Variants in DNAH9 observed in about 807,000 individuals in gnomAD.
The protein encoded by DNAH9 is dynein axonemal heavy chain 9.
DNAH9 carries 345 observed loss-of-function variants against 471.6 expected under a neutral mutation model. The observed-to-expected ratio is 0.73, with a 90% CI of 0.67 to 0.80. The LOEUF is 0.80. Among genes scored for constraint, DNAH9 ranks in the 30% least tolerant of loss-of-function variants. The pLI is 0.00. For synonymous variants in DNAH9, 2,093 were observed against 2,123.6 expected (o/e 0.99, Z 0.40); for missense variants, 5,407 against 5,609.2 (o/e 0.96, Z 1.15).
chr17:11,611,007 G>T (rs981371599), intron 3 of DNAH9, among the ~76,000 whole-genome samples: 1 of 152,004 alleles, frequency 6.6e-6, no homozygotes, highest in Non-Finnish European at 1.5e-5. Context: ...GGGCTGGAAA[G>T]TTCATCTTCC....
In DNAH9 at chr17:11,642,488, G is replaced by T. The variant is rs543632683; in HGVS notation, c.1901+2104G>T. 1.1e-3 allele frequency among the ~76,000 whole-genome samples: 168 copies of T among 152,262 alleles called. No homozygotes were observed. In the South Asian group the frequency reaches 0.033, roughly 30 times the overall value. On this transcript the variant is annotated intron_variant, in intron 10 of 68. Transcript: ENST00000262442. Reference sequence around the variant, plus strand: ...AATCACTTGAACCTGGGAGGCAGAGGTTGCAGTGAGCCGAGATTGCGCCAT... The same window carrying T: ...AATCACTTGAACCTGGGAGGCAGAGTTTGCAGTGAGCCGAGATTGCGCCAT...
chr17:11,638,315 C>T (rs946950904), intron 9 of DNAH9, among the ~76,000 whole-genome samples: 17 of 152,162 alleles, frequency 1.1e-4, no homozygotes, highest in Non-Finnish European at 5.9e-5. Flanking sequence ...ACTCAAATGC[C>T]TCCAGAAGCT....
chr17:11,921,426 T>C (rs1000684517), intron 61 of DNAH9, among the ~76,000 whole-genome samples: 1 of 151,810 alleles, frequency 6.6e-6, no homozygotes, highest in Non-Finnish European at 1.5e-5. Context: ...GTAAAGATGT[T>C]AAAAGAGGTT....
Position 11,608,174 on chromosome 17 carries a change from C to T in DNAH9, c.463C>T (p.Pro155Ser), listed in dbSNP as rs762326980. Reference sequence around the variant, plus strand: ...CAATGAGAAGAATCGCCTAAACTGGCCCCACATGATATGTGAGGATGTCAG... The same window carrying T: ...CAATGAGAAGAATCGCCTAAACTGGTCCCACATGATATGTGAGGATGTCAG... ...LANEKNRLNW[P>S]HMICEDVRRH... Residue 155 changes from proline to serine, a missense_variant, in exon 2 of 69, where the codon CCC becomes TCC. By Grantham distance (74) the Pro-to-Ser change is moderately conservative. This residue lies in a region of DNAH9 where 767 missense variants were observed against 692.5 expected (regional missense o/e 1.11). Coordinates refer to ENST00000262442, the MANE Select transcript of DNAH9 (RefSeq NM_001372.4). The T allele has an allele frequency of 6.2e-7, 1 of 1,612,974 alleles. No individual in the cohort carries two copies. Among genetic ancestry groups the T allele is most frequent in the Non-Finnish European group, 8.5e-7 (1 of 1,179,060 alleles).
intron 49 of DNAH9, among the ~76,000 whole-genome samples, chr17:11,836,646 C>T (rs1227673068): frequency 6.6e-6 from 1 of 152,134 alleles, no homozygotes; most frequent in Non-Finnish European, 1.5e-5. Context: ...TTAGACTGTA[C>T]CCACCCCCTT....
In DNAH9 at chr17:11,969,639, C is replaced by G; in HGVS notation, c.*112C>G. The G allele has an allele frequency of 2.3e-6, 2 of 879,898 alleles. No individual in the cohort carries two copies. The highest frequency in any genetic ancestry group is 3.4e-6 in the Non-Finnish European group (2 of 590,992). 54.5% of individuals were successfully genotyped at this position (879,898 alleles called of 1,614,324 possible). Reference sequence around the variant, plus strand: ...TTAGAACGGTAAGAAACCATGAGCACTCACAATTCTGTAGAATTCCTCTAG... The same window carrying G: ...TTAGAACGGTAAGAAACCATGAGCAGTCACAATTCTGTAGAATTCCTCTAG... On this transcript the variant is annotated 3_prime_UTR_variant, in exon 69 of 69. Transcript: ENST00000262442.
intron 26 of DNAH9, among the ~76,000 whole-genome samples, chr17:11,715,237 AAT>A (rs2074938987): frequency 6.6e-6 from 1 of 152,202 alleles, no homozygotes; most frequent in South Asian, 2.1e-4. Flanking sequence ...CCTCAAAAAT[AAT>A]ACCTTCAAAG....
chr17:11,718,671 G>T (rs1453152316), intron 26 of DNAH9, among the ~76,000 whole-genome samples: 1 of 152,126 alleles, frequency 6.6e-6, no homozygotes, highest in African/African-American at 2.4e-5. Flanking sequence ...GTTTTTGAGG[G>T]CCTGTATGTG....
intron 38 of DNAH9, 111 bp downstream of exon 38, chr17:11,769,440 A>G: frequency 1.1e-6 from 1 of 903,966 alleles, no homozygotes; most frequent in Non-Finnish European, 1.7e-6. Context: ...TGCATACCCC[A>G]GCACTGCGCA....
chr17:11,747,583 G>T lies in DNAH9; in HGVS notation c.6427G>T (p.Val2143Leu). The T allele has an allele frequency of 6.2e-7, 1 of 1,613,890 alleles. No individual in the cohort carries two copies. The highest frequency in any genetic ancestry group is 8.5e-7 in the Non-Finnish European group (1 of 1,180,008). Residue 2143 changes from valine to leucine, a missense_variant, in exon 32 of 69, where the codon GTG becomes TTG. This residue lies in a region of DNAH9 where 4,636 missense variants were observed against 4,900.3 expected (regional missense o/e 0.95). Coordinates refer to ENST00000262442, the MANE Select transcript of DNAH9 (RefSeq NM_001372.4). The stretch of plus-strand genomic sequence containing the variant: ...GGTCCAGCTGGAGGAGCTCCTGGCT[G>T]TGCGGCACTCTGTATTTGTGGTGGG... ...KVVQLEELLA[V>L]RHSVFVVGGA... is the part of the protein sequence containing the mutation.
At chr17:11,878,269 G>T (rs1972585335) in intron 53 of DNAH9, among the ~76,000 whole-genome samples, 2 of 152,098 alleles carry the variant, frequency 1.3e-5, no homozygotes, top group African/African-American at 4.8e-5. Context: ...CTACTTTCCT[G>T]TTGAATGGTT....
rs952275964 is a variant in DNAH9, at chr17:11,962,959, T to C, written c.13233+703T>C. Among the ~76,000 whole-genome samples the C allele has an allele frequency of 3.9e-5, 6 of 152,184 alleles. No individual in the cohort carries two copies. Among genetic ancestry groups the C allele is most frequent in the Non-Finnish European group, 7.3e-5 (5 of 68,040 alleles). ...GTCACATGAGATTGGAGAAGATGTT[T>C]TGTCACCAATAAGAATATGCAAATA... On this transcript the variant is annotated intron_variant, in intron 68 of 68. Coordinates refer to ENST00000262442, the MANE Select transcript of DNAH9 (RefSeq NM_001372.4). The surrounding 1 kb of genome is among the most constrained non-coding windows in gnomAD (Gnocchi z 4.1).
intron 67 of DNAH9, among the ~76,000 whole-genome samples, chr17:11,954,251 CA>C (rs1444902728): frequency 6.7e-6 from 1 of 150,336 alleles, no homozygotes; most frequent in Non-Finnish European, 1.5e-5. Flanking sequence ...AGGGGGGGGC[CA>C]AAAAAACTAT....
intron 44 of DNAH9, 40 bp from the exon 45 acceptor site, chr17:11,810,206 C>G: frequency 6.3e-7 from 1 of 1,581,750 alleles, no homozygotes. Context: ...TTCAAGGAGG[C>G]CTTCTTTTCA....
Position 11,807,847 on chromosome 17 carries a change from G to A in DNAH9, c.8536G>A (p.Val2846Ile), listed in dbSNP as rs369263311. 1.8e-5 allele frequency: 29 copies of A among 1,614,020 alleles called. No homozygotes were observed. Among genetic ancestry groups the A allele is most frequent in the Non-Finnish European group, 2.4e-5 (28 of 1,179,918 alleles). ...RLAAFISSMDVFQITLRKGYQ... is the reference protein window; with the variant it reads ...RLAAFISSMDIFQITLRKGYQ... ...GGCAGCTTTCATCAGCTCCATGGATGTCTTCCAGATCACACTGCGCAAAGG... is the reference window on the plus strand; with the variant it reads ...GGCAGCTTTCATCAGCTCCATGGATATCTTCCAGATCACACTGCGCAAAGG... Residue 2846 changes from valine to isoleucine, a missense_variant, in exon 44 of 69, where the codon GTC becomes ATC. Physicochemically the swap from Val to Ile is conservative, Grantham distance 29. Coordinates refer to ENST00000262442, the MANE Select transcript of DNAH9 (RefSeq NM_001372.4).
chr17:11,893,699 G>A (rs985656138), intron 58 of DNAH9, among the ~76,000 whole-genome samples: 3 of 152,086 alleles, frequency 2.0e-5, no homozygotes, highest in African/African-American at 7.2e-5. Flanking sequence ...GTCACACACT[G>A]GGGCCTGTCA....
intron 49 of DNAH9, 77 bp downstream of exon 49, chr17:11,834,975 G>A: frequency 6.5e-7 from 1 of 1,534,880 alleles, no homozygotes; most frequent in South Asian, 1.3e-5. Flanking sequence ...ATTCCCAAGA[G>A]ATGCAAGGAC....
chr17:11,931,318 T>C (rs1316789186), intron 63 of DNAH9, among the ~76,000 whole-genome samples: 1 of 152,222 alleles, frequency 6.6e-6, no homozygotes, highest in Non-Finnish European at 1.5e-5. Flanking sequence ...CCAGCTCACA[T>C]GTGTCAGATG....
At chr17:11,785,884 AAG>A (rs966196752) in intron 41 of DNAH9, among the ~76,000 whole-genome samples, 2 of 152,218 alleles carry the variant, frequency 1.3e-5, no homozygotes, top group Non-Finnish European at 2.9e-5. Context: ...TTAAGGCAGC[AAG>A]AGAGACTCAG....
Sources: allele counts gnomAD v4.1 joint callset (sites outside exome capture counted in the v4.1 genomes callset), GRCh38; gene constraint gnomAD v4.1.1; regional missense constraint gnomAD v4.1.1; non-coding constraint Gnocchi (gnomAD v3.1); transcripts MANE v1.5; gene names NCBI Gene and HGNC (gene_info 2026-07-23, HGNC 2026-07-21).